PXT1: variants seen among roughly 807,000 people sequenced by gnomAD.
PXT1 encodes the protein peroxisomal testis-specific protein 1.
Under a neutral mutation model 11.0 loss-of-function variants are expected in PXT1, and 11 were observed. The observed-to-expected ratio is 1.00, with a 90% confidence interval of 0.63 to 1.66. PXT1 has a LOEUF of 1.66. Among genes scored for constraint, PXT1 ranks in the 40% most tolerant of loss-of-function variants. PXT1 has a pLI of 0.00. For synonymous variants in PXT1, 43 were observed against 51.4 expected (o/e 0.84, Z 0.70); for missense variants, 141 against 155.5 (o/e 0.91, Z 0.49).
intron 4 of PXT1, 121 bp from the exon 5 acceptor site, chr6:36,391,995 G>A (rs1343006165): frequency 1.5e-6 from 1 of 674,128 alleles, no homozygotes; most frequent in Non-Finnish European, 2.5e-6. Context: ...CTGCAAACAA[G>A]CTTCTTGGGT....
At chr6:36,442,280 C>T (rs1774884471) in intron 1 of PXT1, among the ~76,000 whole-genome samples, 1 of 152,118 alleles carries the variant, frequency 6.6e-6, no homozygotes, top group Non-Finnish European at 1.5e-5. Flanking sequence ...CTGCCCGCCT[C>T]GGCCTCCCAA....
intron 4 of PXT1, among the ~76,000 whole-genome samples, chr6:36,392,573 A>G (rs552985510): frequency 1.2e-3 from 183 of 152,256 alleles, no homozygotes; most frequent in Non-Finnish European, 2.1e-3. Context: ...AGGTGGGAGG[A>G]TCACCTGAGC....
intron 3 of PXT1, among the ~76,000 whole-genome samples, chr6:36,423,918 T>G (rs1304261921): frequency 1.3e-5 from 2 of 152,204 alleles, no homozygotes; most frequent in Non-Finnish European, 2.9e-5. Context: ...GTTCTAGGCA[T>G]GAAAACAAGC....
At chr6:36,436,912 A>G (rs1407703460) in intron 2 of PXT1, among the ~76,000 whole-genome samples, 1 of 152,188 alleles carries the variant, frequency 6.6e-6, no homozygotes, top group African/African-American at 2.4e-5. Context: ...GTAGGCTTCA[A>G]CTAGGGTGTA....
chr6:36,400,293 G>A (rs891849864), intron 4 of PXT1, among the ~76,000 whole-genome samples, 161 bp downstream of exon 4: 17 of 152,130 alleles, frequency 1.1e-4, no homozygotes, highest in Admixed American at 5.2e-4. Flanking sequence ...TGCCAGCTTT[G>A]GCTCAGGTTC....
intron 3 of PXT1, among the ~76,000 whole-genome samples, chr6:36,403,414 TTAGA>T (rs1387298727): frequency 6.6e-6 from 1 of 152,144 alleles, no homozygotes; most frequent in African/African-American, 2.4e-5. Context: ...GGATTTAGTA[TTAGA>T]TAGAGACAGG....
At chr6:36,430,444 C>T (rs995820264) in intron 2 of PXT1, among the ~76,000 whole-genome samples, 1 of 152,118 alleles carries the variant, frequency 6.6e-6, no homozygotes, top group Non-Finnish European at 1.5e-5. Context: ...CTAGGCCCAA[C>T]CTAATCATAT....
chr6:36,415,311 C>T (rs187793662), intron 3 of PXT1, among the ~76,000 whole-genome samples: 4 of 152,148 alleles, frequency 2.6e-5, no homozygotes, highest in East Asian at 1.9e-4. Flanking sequence ...GACATGGTGG[C>T]GCGTGCCTGT....
chr6:36,428,281 T>C (rs1338946071), intron 2 of PXT1, among the ~76,000 whole-genome samples: 1 of 152,002 alleles, frequency 6.6e-6, no homozygotes, highest in African/African-American at 2.4e-5. Flanking sequence ...CTGTCTCTAC[T>C]AAAAATTCAA....
intron 3 of PXT1, among the ~76,000 whole-genome samples, chr6:36,410,621 G>A (rs1774359045): frequency 6.6e-6 from 1 of 151,870 alleles, no homozygotes; most frequent in African/African-American, 2.4e-5. Context: ...AAGAAGAAAA[G>A]GAAGGAGGGA....
intron 3 of PXT1, among the ~76,000 whole-genome samples, chr6:36,407,019 G>C (rs904678290): frequency 6.6e-6 from 1 of 152,102 alleles, no homozygotes; most frequent in Non-Finnish European, 1.5e-5. Flanking sequence ...CAGAGCTGTC[G>C]AATGTACATA....
chr6:36,417,215 C>T lies in PXT1; in HGVS notation c.169+8699G>A, dbSNP rs184432917. Among the ~76,000 whole-genome samples the T allele has an allele frequency of 2.6e-3, 391 of 151,876 alleles. 1 individual carries two copies. The highest frequency in any genetic ancestry group is 9.0e-3 in the African/African-American group (374 of 41,394). Reference sequence around the variant, plus strand: ...TACAAAAATTAGCCAGGCGTGGTGGCGGGCACCTGTAATCCCAGCTACTCA... The same window carrying T: ...TACAAAAATTAGCCAGGCGTGGTGGTGGGCACCTGTAATCCCAGCTACTCA... On this transcript the variant is annotated intron_variant, in intron 3 of 4. Coordinates refer to ENST00000454782, the MANE Select transcript of PXT1 (RefSeq NM_152990.4).
rs1774898437 is a variant in PXT1 at position 36,442,791 on chromosome 6, A to G, written c.-386T>C. 1.3e-5 allele frequency: 2 copies of G among 152,204 alleles called. No homozygotes were observed. The highest frequency in any genetic ancestry group is 1.3e-4 in the Admixed American group (2 of 15,280). 9.4% of individuals were successfully genotyped at this position (152,204 alleles called of 1,614,324 possible). ...CTAACTTTTCCGTCTGCAACCTTTA[A>G]TAATTGAGAGGGTATGCGCAACTCA... On this transcript the variant is annotated 5_prime_UTR_variant, in exon 1 of 5. Transcript: ENST00000454782.
chr6:36,400,024 T>C (rs752685245), intron 4 of PXT1, among the ~76,000 whole-genome samples: 7 of 152,172 alleles, frequency 4.6e-5, no homozygotes, highest in Non-Finnish European at 7.3e-5. Context: ...TTTCTCCAGG[T>C]TGGGCCCAGG....
intron 3 of PXT1, among the ~76,000 whole-genome samples, chr6:36,413,624 A>T (rs1174628390): frequency 6.6e-6 from 1 of 152,144 alleles, no homozygotes; most frequent in Non-Finnish European, 1.5e-5. Context: ...AGTGGGAGAA[A>T]TTTTTTAATG....
In PXT1 at chr6:36,426,937, G is replaced by GC. The variant is rs560081216; in HGVS notation, c.-9-847dup. On this transcript the variant is annotated intron_variant, in intron 2 of 4. Coordinates refer to ENST00000454782, the MANE Select transcript of PXT1 (RefSeq NM_152990.4). ...ACACTAATATGAAGATTACTCTTCC[G>GC]CCCCCTTTCCCTTTTCCCCTCCAAT... 2.8e-3 allele frequency among the ~76,000 whole-genome samples: 419 copies of GC among 151,768 alleles called. 2 individuals carry two copies. The highest frequency in any genetic ancestry group is 9.4e-3 in the African/African-American group (388 of 41,372).
At chr6:36,440,521 G>A (rs1180157259) in intron 1 of PXT1, among the ~76,000 whole-genome samples, 1 of 151,892 alleles carries the variant, frequency 6.6e-6, no homozygotes, top group African/African-American at 2.4e-5. Flanking sequence ...CCAGAAGATC[G>A]AGGCTGCAGT....
intron 2 of PXT1, among the ~76,000 whole-genome samples, chr6:36,431,318 G>A (rs543486139): frequency 6.6e-6 from 1 of 152,202 alleles, no homozygotes; most frequent in Non-Finnish European, 1.5e-5. Flanking sequence ...AGTGTATGTT[G>A]GTTGACAATG....
intron 3 of PXT1, among the ~76,000 whole-genome samples, chr6:36,422,856 A>G (rs1774541936): frequency 6.6e-6 from 1 of 152,140 alleles, no homozygotes; most frequent in African/African-American, 2.4e-5. Flanking sequence ...GCCCTTTCCC[A>G]TCAGTAATTA....
Sources: gnomAD v4.1 joint callset for allele counts (sites outside exome capture counted in the v4.1 genomes callset) on GRCh38, gnomAD v4.1.1 for gene constraint, MANE v1.5 for transcripts, NCBI Gene and HGNC (gene_info 2026-07-23, HGNC 2026-07-21) for gene names.